SPIDR: variants seen among roughly 807,000 people sequenced by gnomAD.
SPIDR encodes the protein DNA repair-scaffolding protein.
SPIDR carries 93 observed loss-of-function variants against 104.6 expected under a neutral mutation model. The observed-to-expected ratio is 0.89, with a 90% CI of 0.75 to 1.06. The LOEUF is 1.06. Among genes scored for constraint, SPIDR ranks in the 50% least tolerant of loss-of-function variants. The pLI is 0.00. For synonymous variants in SPIDR, 431 were observed against 416.9 expected, an observed-to-expected ratio of 1.03 and a Z score of -0.41; for missense variants, 1,154 against 1,111.2, an observed-to-expected ratio of 1.04 and a Z score of -0.55.
At chr8:47,590,587 A>T (rs2060888500) in intron 8 of SPIDR, among the ~76,000 whole-genome samples, 1 of 152,180 alleles carries the variant, frequency 6.6e-6, no homozygotes, top group South Asian at 2.1e-4. Context: ...CTTATGGCAC[A>T]TGCATTTTGT....
chr8:47,426,865 G>A (rs1554685419), intron 7 of SPIDR, among the ~76,000 whole-genome samples: 7 of 152,300 alleles, frequency 4.6e-5, no homozygotes, highest in Non-Finnish European at 2.9e-5. Context: ...TTTCAACACT[G>A]CTGTGTTGGA....
At position 47,729,711 on chromosome 8, in the gene SPIDR, T is replaced by G. The variant is rs1028605480; in HGVS notation, c.2604+246T>G. On this transcript the variant is annotated intron_variant, in intron 19 of 19. Coordinates refer to ENST00000297423, the MANE Select transcript of SPIDR (RefSeq NM_001080394.4). ...TAGATGCAGGAATCTGTCCCCTGGC[T>G]TTTTTGTTTGTTTTTGTTTTTGTTT... is the stretch of plus-strand genomic sequence containing the variant. 3 of 516,250 alleles carry G rather than the reference T, an allele frequency of 5.8e-6. No homozygotes were observed. In the African/African-American group the frequency reaches 5.8e-5, roughly 10 times the overall value. 32.0% of individuals were successfully genotyped at this position (516,250 alleles called of 1,614,324 possible). A position where few individuals can be genotyped will look rare whatever the true frequency, so the allele number is the denominator to read the frequency against.
intron 8 of SPIDR, among the ~76,000 whole-genome samples, chr8:47,479,174 C>T (rs1554725409): frequency 6.6e-6 from 1 of 151,986 alleles, no homozygotes; most frequent in African/African-American, 2.4e-5. Context: ...GCCTGGCCAA[C>T]ATGGTAAAAC....
chr8:47,389,461 G>A (rs998139843), intron 5 of SPIDR, among the ~76,000 whole-genome samples: 31 of 152,048 alleles, frequency 2.0e-4, no homozygotes, highest in Non-Finnish European at 3.8e-4. Flanking sequence ...AGGCCGAGGC[G>A]GGCAGATCAC....
rs888269261 is a variant in SPIDR at position 47,713,409 on chromosome 8, G to A, written c.2189-80G>A. 3 of 1,592,308 alleles carry A rather than the reference G, an allele frequency of 1.9e-6. No individual in the cohort carries two copies. In the Admixed American group the frequency reaches 5.0e-5, roughly 27 times the overall value. ...CACCTTCACCTGCATGACTCGAGGG[G>A]TAGCAAAGGAGACTGCCATTATGGG... On this transcript the variant is annotated intron_variant, in intron 15 of 19. Coordinates refer to ENST00000297423, the MANE Select transcript of SPIDR (RefSeq NM_001080394.4).
At chr8:47,339,770 C>G (rs2050394379) in intron 5 of SPIDR, among the ~76,000 whole-genome samples, 1 of 146,696 alleles carries the variant, frequency 6.8e-6, no homozygotes, top group South Asian at 2.2e-4. Context: ...ACCTTTGCCT[C>G]CCAGGTTCAA....
intron 7 of SPIDR, among the ~76,000 whole-genome samples, chr8:47,413,649 T>G (rs1477346016): frequency 6.6e-6 from 1 of 152,230 alleles, no homozygotes; most frequent in Non-Finnish European, 1.5e-5. Context: ...GATCATAAAT[T>G]CTTAAATAGT....
At chr8:47,480,625 A>G (rs1299763213) in intron 8 of SPIDR, among the ~76,000 whole-genome samples, 3 of 152,200 alleles carry the variant, frequency 2.0e-5, no homozygotes, top group Non-Finnish European at 2.9e-5. Flanking sequence ...TCTGGGATCA[A>G]GTGTTCTCGC....
chr8:47,627,873 GTTC>G (rs1271925568), intron 10 of SPIDR, among the ~76,000 whole-genome samples: 4 of 152,214 alleles, frequency 2.6e-5, no homozygotes, highest in Non-Finnish European at 4.4e-5. Context: ...GTTTTCATTA[GTTC>G]TTTTTATAGC....
chr8:47,637,297 C>T (rs575583851), intron 10 of SPIDR, among the ~76,000 whole-genome samples: 4 of 152,128 alleles, frequency 2.6e-5, no homozygotes, highest in South Asian at 2.1e-4. Flanking sequence ...GTGCCCAATG[C>T]GGTGGCTTAC....
chr8:47,664,546 G>T (rs1007942107), intron 10 of SPIDR, among the ~76,000 whole-genome samples: 1 of 151,988 alleles, frequency 6.6e-6, no homozygotes, highest in Non-Finnish European at 1.5e-5. Flanking sequence ...CAACCAAAGT[G>T]AAAAATTCAC....
chr8:47,265,092 A>C (rs185755945), intron 1 of SPIDR, among the ~76,000 whole-genome samples: 83 of 151,684 alleles, frequency 5.5e-4, no homozygotes, highest in African/African-American at 1.8e-3. Context: ...GGAGTACCTC[A>C]TGGTTCCAGT....
At chr8:47,438,818 T>C (rs1445774933) in intron 7 of SPIDR, among the ~76,000 whole-genome samples, 1 of 151,994 alleles carries the variant, frequency 6.6e-6, no homozygotes, top group Non-Finnish European at 1.5e-5. Flanking sequence ...ACATGTGTCA[T>C]GGACACCTAC....
chr8:47,340,732 A>G (rs2050603377), intron 5 of SPIDR, among the ~76,000 whole-genome samples: 1 of 152,222 alleles, frequency 6.6e-6, no homozygotes, highest in Non-Finnish European at 1.5e-5. Flanking sequence ...CTGGGCCTTC[A>G]GCCACCTGAA....
intron 5 of SPIDR, among the ~76,000 whole-genome samples, chr8:47,306,992 A>ATG (rs2154251735): frequency 6.6e-6 from 1 of 152,286 alleles, no homozygotes; most frequent in South Asian, 2.1e-4. Context: ...AAGTAAGTCT[A>ATG]GTATAGGCAA....
At chr8:47,330,046 T>TG (rs1415887972) in intron 5 of SPIDR, among the ~76,000 whole-genome samples, 5 of 152,348 alleles carry the variant, frequency 3.3e-5, no homozygotes, top group African/African-American at 1.2e-4. Flanking sequence ...CATGTGGACT[T>TG]GTGTGGATTC....
At chr8:47,284,004 C>G in intron 2 of SPIDR, 24 bp from the exon 3 acceptor site, 1 of 1,565,104 alleles carries the variant, frequency 6.4e-7, no homozygotes, top group East Asian at 2.2e-5. Context: ...CACATAAATT[C>G]CATGATTATT....
intron 8 of SPIDR, among the ~76,000 whole-genome samples, chr8:47,505,094 G>T (rs1306531726): frequency 6.6e-6 from 1 of 152,204 alleles, no homozygotes; most frequent in Non-Finnish European, 1.5e-5. Flanking sequence ...CCCACTTGAG[G>T]AGGCAGTCTG....
At chr8:47,401,731 C>T (rs1047027285) in intron 6 of SPIDR, among the ~76,000 whole-genome samples, 1 of 152,050 alleles carries the variant, frequency 6.6e-6, no homozygotes, top group Admixed American at 6.6e-5. Context: ...TCAAAAGAGA[C>T]AAAGAAGGCC....
Sources: gnomAD v4.1 joint callset for allele counts (sites outside exome capture counted in the v4.1 genomes callset) on GRCh38, gnomAD v4.1.1 for gene constraint, MANE v1.5 for transcripts, NCBI Gene and HGNC (gene_info 2026-07-23, HGNC 2026-07-21) for gene names.